NKX2-4: variants seen among roughly 807,000 people sequenced by gnomAD.
NKX2-4 encodes the protein homeobox protein Nkx-2.4.
In NKX2-4, 6 loss-of-function variants were observed where a neutral mutation model predicts 8.6. The observed-to-expected ratio is 0.70, with a 90% CI of 0.38 to 1.38. NKX2-4 has a LOEUF of 1.38. Among genes scored for constraint, NKX2-4 ranks in the 40% most tolerant of loss-of-function variants. The pLI is 0.02. For synonymous variants in NKX2-4, 299 were observed against 272.6 expected (o/e 1.10, Z -0.95); for missense variants, 601 against 548.4 (o/e 1.10, Z -0.96).
Position 21,397,133 on chromosome 20 carries a change from C to CGCCGCCGCCGCAGCTGCT in NKX2-4, c.249_266dup (p.Ala86_Ala91dup), listed in dbSNP as rs1167898559. ...CGGGCGGCATGTGGTAGGTGGCGGC[C>CGCCGCCGCCGCAGCTGCT]GCCGCCGCCGCAGCTGCTGCCGCCG... On this transcript the variant is annotated inframe_insertion, in exon 1 of 2. Coordinates refer to ENST00000351817, the MANE Select transcript of NKX2-4 (RefSeq NM_033176.2). 12 of 1,273,738 alleles carry CGCCGCCGCCGCAGCTGCT rather than the reference C, an allele frequency of 9.4e-6. No individual in the cohort carries two copies. The highest frequency in any genetic ancestry group is 1.6e-5 in the African/African-American group (1 of 63,548). The allele number at this position is 1,273,738 out of a possible 1,614,324, so 78.9% of individuals were successfully genotyped here.
At position 21,396,973 on chromosome 20, in the gene NKX2-4, G is replaced by A; in HGVS notation, c.427C>T (p.Pro143Ser). ...ATGWYGANPD[P>S]RYSSISRFMG... ...CCCCTCTCACTTGACGAGTAGCGTG[G>A]GTCCGGGTTGGCGCCGTACCAGCCG... Residue 143 changes from proline (P) to serine (S), a missense_variant, in exon 1 of 2, where the codon CCA (proline) becomes TCA (serine). Physicochemically the swap from Pro to Ser is moderately conservative, Grantham distance 74. Transcript: ENST00000351817. 1 of 1,469,896 alleles carries A rather than the reference G, an allele frequency of 6.8e-7. No individual in the cohort carries two copies. Among genetic ancestry groups the A allele is most frequent in the Non-Finnish European group, 9.0e-7 (1 of 1,114,454 alleles). 91.1% of individuals were successfully genotyped at this position (1,469,896 alleles called of 1,614,324 possible). A position where few individuals can be genotyped will look rare whatever the true frequency, so the allele number is the denominator to read the frequency against.
At position 21,396,175 on chromosome 20, in the gene NKX2-4, AGGCGGCGGC is replaced by A. The variant is rs752830472; in HGVS notation, c.792_800del (p.Pro268_Pro270del). The A allele has an allele frequency of 2.7e-5, 40 of 1,499,868 alleles. No individual in the cohort carries two copies. Among genetic ancestry groups the A allele is most frequent in the Admixed American group, 4.9e-5 (2 of 41,176 alleles). The allele number at this position is 1,499,868 out of a possible 1,614,324, so 92.9% of individuals were successfully genotyped here. On this transcript the variant is annotated inframe_deletion, in exon 2 of 2. Transcript: ENST00000351817. ...CCACGCGGCGCGGGGACGGCGGCGG[AGGCGGCGGC>A]GGGCCCAGGCCGCCCTCCTGCTGCA...
In NKX2-4 at chr20:21,397,157, C is replaced by CGCCGCCGCG. The variant is rs747683634; in HGVS notation, c.234_242dup (p.Ala89_Ala91dup). ...CCGCCGCCGCCGCAGCTGCTGCCGC[C>CGCCGCCGCG]GCCGCCGCGGCCGCCGCGTTGTGAC... On this transcript the variant is annotated inframe_insertion, in exon 1 of 2. Transcript: ENST00000351817. 3 of 1,265,230 alleles carry CGCCGCCGCG rather than the reference C, an allele frequency of 2.4e-6. No individual in the cohort carries two copies. Among genetic ancestry groups the CGCCGCCGCG allele is most frequent in the Non-Finnish European group, 3.0e-6 (3 of 1,011,648 alleles). 78.4% of individuals were successfully genotyped at this position (1,265,230 alleles called of 1,614,324 possible).
rs752145952 is a variant in NKX2-4 at position 21,395,966 on chromosome 20, C to A, written c.1010G>T (p.Gly337Val). The A allele has an allele frequency of 3.8e-6, 5 of 1,321,306 alleles. No individual in the cohort carries two copies. Among genetic ancestry groups the A allele is most frequent in the South Asian group, 2.6e-5 (1 of 38,888 alleles). The allele number at this position is 1,321,306 out of a possible 1,614,324, so 81.8% of individuals were successfully genotyped here. A position where few individuals can be genotyped will look rare whatever the true frequency, so the allele number is the denominator to read the frequency against. ...GCCCAGGACGCCGCCGCTGTACTCCCCGGCGGCCGCGTCCAGGGCCGCCAG... is the reference window on the plus strand; with the variant it reads ...GCCCAGGACGCCGCCGCTGTACTCCACGGCGGCCGCGTCCAGGGCCGCCAG... ...GGLAALDAAA[G>V]EYSGGVLGAN... The change falls in exon 2 of 2, where the codon GGG becomes GTG. Residue 337 changes from glycine (G) to valine (V), a missense_variant. Transcript: ENST00000351817.
At position 21,396,115 on chromosome 20, in the gene NKX2-4, G is replaced by T; in HGVS notation, c.861C>A (p.Cys287Ter). The stretch of plus-strand genomic sequence containing the variant: ...GGGTGGGCGTGCTGGCGCCGTTCTG[G>T]CACGGCTTGCCGTCCTTGACCAGCA... Reference protein sequence around the residue: ...VPVLVKDGKPCQNGASTPTPG... With the variant: ...VPVLVKDGKP Residue 287 changes from cysteine to a stop codon, truncating the protein, a stop_gained, in exon 2 of 2, where the codon TGC (cysteine) becomes TGA (stop). Coordinates refer to ENST00000351817, the MANE Select transcript of NKX2-4 (RefSeq NM_033176.2). LOFTEE classifies it low-confidence loss of function (END_TRUNC). The T allele has an allele frequency of 7.1e-7, 1 of 1,405,280 alleles. No individual in the cohort carries two copies. Among genetic ancestry groups the T allele is most frequent in the Non-Finnish European group, 9.2e-7 (1 of 1,085,284 alleles). The allele number at this position is 1,405,280 out of a possible 1,614,324, so 87.1% of individuals were successfully genotyped here.
At position 21,395,965 on chromosome 20, in the gene NKX2-4, C is replaced by G; in HGVS notation, c.1011G>C (p.Gly337=). The change falls in exon 2 of 2, where the codon GGG becomes GGC. Residue 337 remains glycine, a synonymous_variant. Transcript: ENST00000351817. ...CGCCCAGGACGCCGCCGCTGTACTC[C>G]CCGGCGGCCGCGTCCAGGGCCGCCA... ...GGLAALDAAA[G]EYSGGVLGAN... is the part of the protein sequence containing the mutation. The G allele has an allele frequency of 2.3e-6, 3 of 1,322,816 alleles. No individual in the cohort carries two copies. Among genetic ancestry groups the G allele is most frequent in the Non-Finnish European group, 1.9e-6 (2 of 1,036,082 alleles). 81.9% of individuals were successfully genotyped at this position (1,322,816 alleles called of 1,614,324 possible).
rs1032934149 is a variant in NKX2-4 at position 21,396,442 on chromosome 20, C to T, written c.534G>A (p.Pro178=). 14 of 1,507,104 alleles carry T rather than the reference C, an allele frequency of 9.3e-6. No individual in the cohort carries two copies. The highest frequency in any genetic ancestry group is 2.6e-5 in the East Asian group (1 of 37,768). 93.4% of individuals were successfully genotyped at this position (1,507,104 alleles called of 1,614,324 possible). A position where few individuals can be genotyped will look rare whatever the true frequency, so the allele number is the denominator to read the frequency against. Reference sequence around the variant, plus strand: ...CGGCTGCCGCCGCCGCCGCGTGCAGCGGGCCCAGCGACTTGGCGGCGTCCG... The same window carrying T: ...CGGCTGCCGCCGCCGCCGCGTGCAGTGGGCCCAGCGACTTGGCGGCGTCCG... ...GIADAAKSLG[P]LHAAAAAAAP... Residue 178 remains proline, a synonymous_variant, in exon 2 of 2, where the codon CCG becomes CCA. Transcript: ENST00000351817.
Position 21,395,769 on chromosome 20 carries a change from C to G in NKX2-4, c.*142G>C, listed in dbSNP as rs1032597551. 2 of 665,590 alleles carry G rather than the reference C, an allele frequency of 3.0e-6. No individual in the cohort carries two copies. The highest frequency in any genetic ancestry group is 3.7e-5 in the African/African-American group (2 of 53,990). 41.2% of individuals were successfully genotyped at this position (665,590 alleles called of 1,614,324 possible). On this transcript the variant is annotated 3_prime_UTR_variant, in exon 2 of 2. Transcript: ENST00000351817. ...CCCGCCCCCAGCAAGAGGTTCACAG[C>G]CTGCTCCTCTCTGAGACCGGTTCGT...
chr20:21,395,970 C>A lies in NKX2-4; in HGVS notation c.1006G>T (p.Ala336Ser). 1.5e-6 allele frequency: 2 copies of A among 1,316,418 alleles called. No homozygotes were observed. The highest frequency in any genetic ancestry group is 2.8e-5 in the East Asian group (1 of 35,388). The allele number at this position is 1,316,418 out of a possible 1,614,324, so 81.5% of individuals were successfully genotyped here. A position where few individuals can be genotyped will look rare whatever the true frequency, so the allele number is the denominator to read the frequency against. Residue 336 changes from alanine to serine, a missense_variant, in exon 2 of 2, where the codon GCC becomes TCC. By Grantham distance (99) the Ala-to-Ser change is moderately conservative. Coordinates refer to ENST00000351817, the MANE Select transcript of NKX2-4 (RefSeq NM_033176.2). ...GGGLAALDAA[A>S]GEYSGGVLGA... ...AGGACGCCGCCGCTGTACTCCCCGGCGGCCGCGTCCAGGGCCGCCAGGCCG... is the reference window on the plus strand; with the variant it reads ...AGGACGCCGCCGCTGTACTCCCCGGAGGCCGCGTCCAGGGCCGCCAGGCCG...
chr20:21,397,431 G>T lies in NKX2-4; in HGVS notation c.-32C>A. 1 of 1,304,532 alleles carries T rather than the reference G, an allele frequency of 7.7e-7. No homozygotes were observed. Among genetic ancestry groups the T allele is most frequent in the East Asian group, 3.1e-5 (1 of 31,872 alleles). The allele number at this position is 1,304,532 out of a possible 1,614,324, so 80.8% of individuals were successfully genotyped here. A position where few individuals can be genotyped will look rare whatever the true frequency, so the allele number is the denominator to read the frequency against. On this transcript the variant is annotated 5_prime_UTR_variant, in exon 1 of 2. Coordinates refer to ENST00000351817, the MANE Select transcript of NKX2-4 (RefSeq NM_033176.2). ...GCGGGCAGCCAGGTAGGGGGGCCTG[G>T]GGCGCGCGCCGGCAGGACGCGGCGG...
chr20:21,396,824 C>T, intron 1 of NKX2-4, 134 bp downstream of exon 1: 1 of 797,678 alleles, frequency 1.3e-6, no homozygotes, highest in Non-Finnish European at 1.7e-6. Context: ...GGCCGCGTCC[C>T]AGGACGCCCC....
Position 21,397,363 on chromosome 20 carries a change from C to G in NKX2-4, c.37G>C (p.Val13Leu). 2 of 1,447,188 alleles carry G rather than the reference C, an allele frequency of 1.4e-6. No individual in the cohort carries two copies. Among genetic ancestry groups the G allele is most frequent in the Non-Finnish European group, 1.8e-6 (2 of 1,099,428 alleles). The allele number at this position is 1,447,188 out of a possible 1,614,324, so 89.6% of individuals were successfully genotyped here. A position where few individuals can be genotyped will look rare whatever the true frequency, so the allele number is the denominator to read the frequency against. The part of the protein sequence containing the change: ...LSPKHTTPFS[V>L]SDILSPIEET... The stretch of plus-strand genomic sequence containing the variant: ...TCGATGGGGCTCAGGATGTCGGACA[C>G]GGAGAAGGGCGTCGTGTGCTTTGGG... Residue 13 changes from valine to leucine, a missense_variant, in exon 1 of 2, where the codon GTG becomes CTG. Coordinates refer to ENST00000351817, the MANE Select transcript of NKX2-4 (RefSeq NM_033176.2).
In NKX2-4 at chr20:21,397,082, G is replaced by A. The variant is rs1473696025; in HGVS notation, c.318C>T (p.Ala106=). ...GGCCGCCGTTGCAGTAGCTGCCCAT[G>A]GCGCCGTGCGGGAACTGCGAGACGC... The part of the protein sequence containing the change: ...PPGVSQFPHG[A]MGSYCNGGLG... The change falls in exon 1 of 2, where the codon GCC becomes GCT. Residue 106 remains alanine, a synonymous_variant. Transcript: ENST00000351817. 5 of 1,404,350 alleles carry A rather than the reference G, an allele frequency of 3.6e-6. 1 individual carries two copies. In the South Asian group the frequency reaches 4.5e-5, roughly 13 times the overall value. 87.0% of individuals were successfully genotyped at this position (1,404,350 alleles called of 1,614,324 possible). A position where few individuals can be genotyped will look rare whatever the true frequency, so the allele number is the denominator to read the frequency against.
In NKX2-4 at chr20:21,395,731, G is replaced by T; in HGVS notation, c.*180C>A. ...TAATGTTACACTACTCGGTTTCCGG[G>T]CTGTCGCTGTCCCCCGCCCCCAGCA... On this transcript the variant is annotated 3_prime_UTR_variant, in exon 2 of 2. Coordinates refer to ENST00000351817, the MANE Select transcript of NKX2-4 (RefSeq NM_033176.2). 2.3e-6 allele frequency: 1 copy of T among 427,832 alleles called. No individual in the cohort carries two copies. The highest frequency in any genetic ancestry group is 3.9e-6 in the Non-Finnish European group (1 of 256,684). 26.5% of individuals were successfully genotyped at this position (427,832 alleles called of 1,614,324 possible).
chr20:21,395,706 T>G lies in NKX2-4; in HGVS notation c.*205A>C. The G allele has an allele frequency of 2.7e-6, 1 of 377,244 alleles. No homozygotes were observed. The highest frequency in any genetic ancestry group is 4.6e-6 in the Non-Finnish European group (1 of 215,358). 23.4% of individuals were successfully genotyped at this position (377,244 alleles called of 1,614,324 possible). The stretch of plus-strand genomic sequence containing the variant: ...ATCACCACCTCAAAGCCTCGTGGCA[T>G]AATGTTACACTACTCGGTTTCCGGG... On this transcript the variant is annotated 3_prime_UTR_variant, in exon 2 of 2. Coordinates refer to ENST00000351817, the MANE Select transcript of NKX2-4 (RefSeq NM_033176.2).
chr20:21,396,821 TCCCAGGACGCCCCGCGCGCCCGCTCGGC>T (rs2039028310), intron 1 of NKX2-4, 109 bp downstream of exon 1: 1 of 733,498 alleles, frequency 1.4e-6, no homozygotes, highest in African/African-American at 2.0e-5. Context: ...CCGGGCCGCG[TCCCAGGACGCCCCGCGCGCCCGCTCGGC>T]CCCAGGACCT....
rs1012473160 is a variant in NKX2-4, at chr20:21,395,956, G to A, written c.1020C>T (p.Ser340=). The A allele has an allele frequency of 3.0e-6, 4 of 1,330,020 alleles. No individual in the cohort carries two copies. Among genetic ancestry groups the A allele is most frequent in the South Asian group, 2.5e-5 (1 of 40,338 alleles). The allele number at this position is 1,330,020 out of a possible 1,614,324, so 82.4% of individuals were successfully genotyped here. Residue 340 remains serine, a synonymous_variant, in exon 2 of 2, where the codon AGC becomes AGT. Coordinates refer to ENST00000351817, the MANE Select transcript of NKX2-4 (RefSeq NM_033176.2). The stretch of plus-strand genomic sequence containing the variant: ...GCAGGTTGGCGCCCAGGACGCCGCC[G>A]CTGTACTCCCCGGCGGCCGCGTCCA... ...AALDAAAGEY[S]GGVLGANLLY...
At position 21,396,295 on chromosome 20, in the gene NKX2-4, G is replaced by A. The variant is rs1346161730; in HGVS notation, c.681C>T (p.His227=). The A allele has an allele frequency of 9.3e-6, 15 of 1,605,628 alleles. No homozygotes were observed. The highest frequency in any genetic ancestry group is 2.7e-5 in the African/African-American group (2 of 73,512). Residue 227 remains histidine, a synonymous_variant, in exon 2 of 2, where the codon CAC becomes CAT. Coordinates refer to ENST00000351817, the MANE Select transcript of NKX2-4 (RefSeq NM_033176.2). ...AGATCTTGACCTGCGTGGGCGTCAGGTGGATCATGCTGGCCAGGTGCTCGC... is the reference window on the plus strand; with the variant it reads ...AGATCTTGACCTGCGTGGGCGTCAGATGGATCATGCTGGCCAGGTGCTCGC... ...PEREHLASMI[H]LTPTQVKIWF...
At position 21,396,007 on chromosome 20, in the gene NKX2-4, G is replaced by A; in HGVS notation, c.969C>T (p.His323=). 7.9e-7 allele frequency: 1 copy of A among 1,259,902 alleles called. No individual in the cohort carries two copies. Among genetic ancestry groups the A allele is most frequent in the South Asian group, 3.4e-5 (1 of 29,384 alleles). The allele number at this position is 1,259,902 out of a possible 1,614,324, so 78.0% of individuals were successfully genotyped here. A position where few individuals can be genotyped will look rare whatever the true frequency, so the allele number is the denominator to read the frequency against. ...GGGCCGCCAGGCCGCCCCCCGGGCC[G>A]TGCAGCGCGGGTGGGCTGGGCGACA... is the stretch of plus-strand genomic sequence containing the variant. ...EELSPSPPAL[H]GPGGGLAALD... is the part of the protein sequence containing the mutation. The change falls in exon 2 of 2, where the codon CAC becomes CAT. Residue 323 remains histidine, a synonymous_variant. Transcript: ENST00000351817.
Sources: gnomAD v4.1 joint callset for allele counts on GRCh38, gnomAD v4.1.1 for gene constraint, MANE v1.5 for transcripts, NCBI Gene and HGNC (gene_info 2026-07-23, HGNC 2026-07-21) for gene names.